PAH: variants seen among roughly 807,000 people sequenced by gnomAD.
PAH encodes phenylalanine-4-hydroxylase.
PAH carries 64 observed loss-of-function variants against 62.0 expected under a neutral mutation model. The ratio of observed to expected loss-of-function variants is 1.03; its 90% CI spans 0.84 to 1.27. The LOEUF (loss-of-function observed/expected upper bound fraction) is 1.27. Ranked by LOEUF, PAH falls within the 50% of genes most tolerant of loss-of-function variation. The pLI is 0.00. For missense variants in PAH, 579 were observed against 542.8 expected (o/e 1.07, Z -0.66); for synonymous variants, 195 against 196.2 (o/e 0.99, Z 0.05).
At chr12:102,871,803 T>TC (rs1247680927) in intron 4 of PAH, among the ~76,000 whole-genome samples, 2 of 151,612 alleles carry the variant, frequency 1.3e-5, no homozygotes, top group Non-Finnish European at 1.5e-5. Context: ...ATGCCTGTAA[T>TC]CCCAGCTACT....
chr12:102,844,427 T>C lies in PAH; in HGVS notation c.974A>G (p.Tyr325Cys), dbSNP rs62508578. ...GAGCCCAAACTCCACAGTAAACCAG[T>C]AAATCTGGAATGGAAAGTCAATCTG... ...DEYIEKLATIYWFTVEFGLCK... is the reference protein window; with the variant it reads ...DEYIEKLATICWFTVEFGLCK... The change falls in exon 10 of 13, where the codon TAC (tyrosine) becomes TGC (cysteine). Residue 325 changes from tyrosine to cysteine, a missense_variant. Physicochemically the swap from Tyr to Cys is radical, Grantham distance 194 (BLOSUM62 -2). Transcript: ENST00000553106. 4.3e-6 allele frequency: 7 copies of C among 1,609,444 alleles called. No individual in the cohort carries two copies. The highest frequency in any genetic ancestry group is 6.0e-6 in the Non-Finnish European group (7 of 1,175,896).
chr12:102,938,033 T>A (rs149640971), intron 1 of PAH, among the ~76,000 whole-genome samples: 4 of 152,218 alleles, frequency 2.6e-5, no homozygotes, highest in African/African-American at 9.6e-5. Flanking sequence ...GGAATGGAGA[T>A]AAAGTTGTGA....
upstream of PAH, among the ~76,000 whole-genome samples, chr12:102,955,751 A>G (rs919344760): frequency 1.3e-5 from 2 of 152,062 alleles, no homozygotes; most frequent in African/African-American, 2.4e-5. Context: ...GAGACCTCTT[A>G]GGCCCTTTCC....
At chr12:102,842,793 G>A (rs1874648419) in intron 11 of PAH, among the ~76,000 whole-genome samples, 1 of 152,130 alleles carries the variant, frequency 6.6e-6, no homozygotes, top group African/African-American at 2.4e-5. Flanking sequence ...ACCTCTCAGA[G>A]GCCATAGATA....
chr12:102,879,309 A>G (rs1197487018), intron 3 of PAH, among the ~76,000 whole-genome samples: 2 of 151,950 alleles, frequency 1.3e-5, no homozygotes, highest in African/African-American at 4.8e-5. Context: ...CGTCTGGTAC[A>G]TAAAACGTGA....
At chr12:102,847,979 T>G (rs1049195361) in intron 8 of PAH, among the ~76,000 whole-genome samples, 4 of 152,166 alleles carry the variant, frequency 2.6e-5, no homozygotes, top group African/African-American at 9.7e-5. Flanking sequence ...GCAGGTGATA[T>G]CAAAGAGGGA....
chr12:102,957,309 G>C lies in PAH; in HGVS notation c.-96+886C>G, dbSNP rs370509501. Among the ~76,000 whole-genome samples the C allele has an allele frequency of 2.6e-5, 4 of 152,106 alleles. No homozygotes were observed. Among genetic ancestry groups the C allele is most frequent in the African/African-American group, 9.6e-5 (4 of 41,528 alleles). ...TTCCACCTATACACCTCAATTCCTA[G>C]AGCCATTTGTCCCTCCTGTGACGCC... On this transcript the variant is annotated intron_variant, in intron 1 of 4. Coordinates refer to the PAH transcript ENST00000551337. This position sits in a 1 kb window ranked among gnomAD's most constrained non-coding sequence, Gnocchi z 4.1.
At chr12:102,870,264 G>A (rs1320361522) in intron 4 of PAH, among the ~76,000 whole-genome samples, 1 of 152,178 alleles carries the variant, frequency 6.6e-6, no homozygotes, top group Non-Finnish European at 1.5e-5. Flanking sequence ...AACCTCAGAA[G>A]TGCTCTCTTT....
intron 3 of PAH, among the ~76,000 whole-genome samples, chr12:102,885,291 G>A (rs1592973438): frequency 6.6e-6 from 1 of 152,012 alleles, no homozygotes; most frequent in Non-Finnish European, 1.5e-5. Context: ...CCCCCTACCC[G>A]GTCTCTCTCA....
chr12:102,861,186 T>G (rs1451780168), intron 5 of PAH, among the ~76,000 whole-genome samples: 1 of 152,156 alleles, frequency 6.6e-6, no homozygotes, highest in Non-Finnish European at 1.5e-5. Context: ...GAACAGACAC[T>G]TCTCAAAAGA....
rs1265866064 is a variant in PAH, at chr12:102,957,628, T to C, written c.-96+567A>G. The C allele has an allele frequency of 6.6e-6, 1 of 150,376 alleles. No homozygotes were observed. The highest frequency in any genetic ancestry group is 1.5e-5 in the Non-Finnish European group (1 of 67,688). 9.3% of individuals were successfully genotyped at this position (150,376 alleles called of 1,614,324 possible). ...GGCGAGGCGGGGCCAGGGCTGCGCG[T>C]GGGGCTGGGTGTCCCATTGAAAAGG... On this transcript the variant is annotated intron_variant, in intron 1 of 4. Coordinates refer to the PAH transcript ENST00000551337. This position sits in a 1 kb window ranked among gnomAD's most constrained non-coding sequence, Gnocchi z 4.1.
In PAH at chr12:102,912,962, C is replaced by T. The variant is rs1172545512; in HGVS notation, c.61-64G>A. 4 of 1,053,696 alleles carry T rather than the reference C, an allele frequency of 3.8e-6. No homozygotes were observed. The Admixed American group carries it at 6.8e-5, about 18-fold the overall frequency. The allele number at this position is 1,053,696 out of a possible 1,614,324, so 65.3% of individuals were successfully genotyped here. A position where few individuals can be genotyped will look rare whatever the true frequency, so the allele number is the denominator to read the frequency against. On this transcript the variant is annotated intron_variant, in intron 1 of 12. Coordinates refer to ENST00000553106, the MANE Select transcript of PAH (RefSeq NM_000277.3). ...AGTTTAGCAATTCATTCCTGTTAAA[C>T]CTCCATGGACAAAGCAAGCATGAAC... is the stretch of plus-strand genomic sequence containing the variant.
At chr12:102,900,894 C>T (rs931325285) in intron 2 of PAH, among the ~76,000 whole-genome samples, 3 of 152,014 alleles carry the variant, frequency 2.0e-5, no homozygotes, top group South Asian at 2.1e-4. Flanking sequence ...GTGGGCATCT[C>T]GGGGAAGGCA....
intron 6 of PAH, 107 bp from the exon 7 acceptor site, chr12:102,853,057 G>T: frequency 8.1e-7 from 1 of 1,231,138 alleles, no homozygotes. Context: ...CAGGGACATA[G>T]GCTTTGACGC....
rs1339063223 is a variant in PAH, at chr12:102,871,931, AAAAAAAAAAAAAAAAAAAATATATAT to A, written c.442-5294_442-5269del. Among the ~76,000 whole-genome samples, 11 of 114,028 alleles carry A rather than the reference AAAAAAAAAAAAAAAAAAAATATATAT, an allele frequency of 9.6e-5. No homozygotes were observed. In the East Asian group the frequency reaches 2.0e-3, roughly 21 times the overall value. The allele number at this position is 114,028 out of a possible 152,430, so 74.8% of individuals were successfully genotyped here. The stretch of plus-strand genomic sequence containing the variant: ...GAGCAAAACTCTGCCTCAAAAAAAA[AAAAAAAAAAAAAAAAAAAATATATAT>A]ATATATATATATATATATATATATA... On this transcript the variant is annotated intron_variant, in intron 4 of 12. Transcript: ENST00000553106.
In PAH at chr12:102,840,448, C is replaced by T. The variant is rs1202739696; in HGVS notation, c.1267G>A (p.Val423Ile). ...TTAAGCTGCTGGGTATTGTCCAAGA[C>T]CTCAATCCTTTGGGTGTATGGGTCG... ...RYDPYTQRIE[V>I]LDNTQQLKIL... is the part of the protein sequence containing the mutation. Residue 423 changes from valine to isoleucine, a missense_variant, in exon 12 of 13, where the codon GTC (valine) becomes ATC (isoleucine). Val to Ile is a conservative substitution (Grantham distance 29). Transcript: ENST00000553106. 8 of 1,613,830 alleles carry T rather than the reference C, an allele frequency of 5.0e-6. No individual in the cohort carries two copies. The highest frequency in any genetic ancestry group is 1.3e-5 in the African/African-American group (1 of 74,886).
At chr12:102,890,406 A>G (rs188235507) in intron 3 of PAH, among the ~76,000 whole-genome samples, 1 of 152,324 alleles carries the variant, frequency 6.6e-6, no homozygotes, top group African/African-American at 2.4e-5. Context: ...TGTTCCCCTT[A>G]AGAAAAACCT....
intron 1 of PAH, among the ~76,000 whole-genome samples, chr12:102,913,505 T>A (rs750522167): frequency 1.3e-5 from 2 of 152,078 alleles, no homozygotes; most frequent in Non-Finnish European, 2.9e-5. Context: ...CGTGAAAGCA[T>A]GCTAATAACA....
At chr12:102,868,031 T>TA (rs1326432546) in intron 4 of PAH, among the ~76,000 whole-genome samples, 5 of 131,484 alleles carry the variant, frequency 3.8e-5, no homozygotes, top group East Asian at 7.2e-4. Flanking sequence ...TATATACATG[T>TA]ATATACACCT....
Sources: gnomAD v4.1 joint callset for allele counts (sites outside exome capture counted in the v4.1 genomes callset) on GRCh38, gnomAD v4.1.1 for gene constraint, Gnocchi (gnomAD v3.1) non-coding constraint, MANE v1.5 for transcripts, NCBI Gene and HGNC (gene_info 2026-07-23, HGNC 2026-07-21) for gene names.